The following DAB1 variants were observed in gnomAD, a reference collection of about 807,000 sequenced individuals.
DAB1 encodes the protein disabled homolog 1.
DAB1 carries 15 observed loss-of-function variants against 64.6 expected under a neutral mutation model. The ratio of observed to expected loss-of-function variants is 0.23; its 90% confidence interval spans 0.16 to 0.36. The LOEUF (loss-of-function observed/expected upper bound fraction) is 0.36. Ranked by LOEUF, DAB1 falls within the 10% of genes least tolerant of loss-of-function variation. The pLI, the probability that DAB1 is intolerant of heterozygous loss-of-function variation, is 1.00. For synonymous variants in DAB1, 235 were observed against 251.9 expected, an observed-to-expected ratio of 0.93 and a Z score of 0.64; for missense variants, 596 against 706.7, an observed-to-expected ratio of 0.84 and a Z score of 1.78.
At chr1:58,401,971 GAAATA>G (rs1644573434) in intron 3 of DAB1, among the ~76,000 whole-genome samples, 1 of 152,160 alleles carries the variant, frequency 6.6e-6, no homozygotes, top group Admixed American at 6.5e-5. Context: ...CCTAGGAAAA[GAAATA>G]AAATAAATGC....
intron 2 of DAB1, among the ~76,000 whole-genome samples, chr1:57,169,925 C>T (rs979983953): frequency 3.3e-5 from 5 of 152,186 alleles, no homozygotes; most frequent in Admixed American, 6.5e-5. Context: ...TGCAGTTGTC[C>T]TTATATCTGT....
chr1:58,429,596 G>A (rs1221851085), intron 3 of DAB1, among the ~76,000 whole-genome samples: 3 of 152,166 alleles, frequency 2.0e-5, no homozygotes, highest in Non-Finnish European at 4.4e-5. Context: ...CAGTAAGGGA[G>A]GCAGCCAAGA....
chr1:58,530,159 G>T (rs1646413140), intron 1 of DAB1, among the ~76,000 whole-genome samples: 1 of 152,178 alleles, frequency 6.6e-6, no homozygotes, highest in East Asian at 1.9e-4. Context: ...GAGATTACAG[G>T]CATGAGCCAC....
chr1:57,278,817 G>A (rs1222521615), intron 2 of DAB1, among the ~76,000 whole-genome samples: 2 of 152,172 alleles, frequency 1.3e-5, no homozygotes, highest in Non-Finnish European at 2.9e-5. Flanking sequence ...GAACTGCAGG[G>A]CCCTTACAGC....
At chr1:57,424,649 A>G (rs144251817), upstream of DAB1, among the ~76,000 whole-genome samples, 13 of 152,290 alleles carry the variant, frequency 8.5e-5, no homozygotes, top group African/African-American at 3.1e-4. Flanking sequence ...GAAGGGCGAA[A>G]CCACGAGGGG....
chr1:57,620,800 T>C (rs1167529049), intron 7 of DAB1, among the ~76,000 whole-genome samples: 4 of 152,224 alleles, frequency 2.6e-5, no homozygotes, highest in African/African-American at 9.6e-5. Context: ...GCTCTGGGTC[T>C]GGAAGCAGGG....
At chr1:58,072,631 T>G (rs1315285766) in intron 5 of DAB1, among the ~76,000 whole-genome samples, 1 of 152,228 alleles carries the variant, frequency 6.6e-6, no homozygotes, top group Non-Finnish European at 1.5e-5. Flanking sequence ...CTATCCTGTC[T>G]CATTTTTTGA....
intron 2 of DAB1, among the ~76,000 whole-genome samples, chr1:58,525,531 T>C (rs1646335610): frequency 6.6e-6 from 1 of 151,978 alleles, no homozygotes; most frequent in Non-Finnish European, 1.5e-5. Flanking sequence ...AATTCCTACA[T>C]ACAAAAAAAT....
At chr1:57,527,550 T>C (rs1323920154) in intron 7 of DAB1, among the ~76,000 whole-genome samples, 1 of 152,170 alleles carries the variant, frequency 6.6e-6, no homozygotes, top group Admixed American at 6.5e-5. Flanking sequence ...TAATACTCTT[T>C]CTACTGAAGC....
chr1:58,496,169 C>CTTTTTTTTTTTTTTTTTTTTTT (rs375006213), intron 3 of DAB1, among the ~76,000 whole-genome samples: 1 of 144,966 alleles, frequency 6.9e-6, no homozygotes, highest in East Asian at 2.1e-4. Context: ...TTTTTTTAGA[C>CTTTTTTTTTTTTTTTTTTTTTT]TTTTTTTTTT....
At chr1:58,519,511 C>G (rs1027569758) in intron 2 of DAB1, among the ~76,000 whole-genome samples, 1 of 152,120 alleles carries the variant, frequency 6.6e-6, no homozygotes, top group Non-Finnish European at 1.5e-5. Context: ...TCACCTCAGG[C>G]TCTGAATGAG....
At chr1:58,080,237 C>T (rs1423359658) in intron 5 of DAB1, 1 of 152,220 alleles carries the variant, frequency 6.6e-6, no homozygotes, top group Non-Finnish European at 1.5e-5. Flanking sequence ...AGCTGAAGGA[C>T]TGATCTCTCA....
At chr1:57,046,460 C>A (rs1452312654) in intron 9 of DAB1, among the ~76,000 whole-genome samples, 1 of 152,148 alleles carries the variant, frequency 6.6e-6, no homozygotes, top group Non-Finnish European at 1.5e-5. Context: ...CATTATTCTT[C>A]TGCATCCACT....
At chr1:58,372,908 CTT>C (rs1207077721) in intron 3 of DAB1, among the ~76,000 whole-genome samples, 1 of 152,114 alleles carries the variant, frequency 6.6e-6, no homozygotes, top group Middle Eastern at 3.2e-3. Context: ...AATTAAACCT[CTT>C]TTCTTTATAA....
chr1:57,489,361 C>T (rs1039409142), intron 7 of DAB1, among the ~76,000 whole-genome samples: 2 of 152,266 alleles, frequency 1.3e-5, no homozygotes, highest in South Asian at 4.1e-4. Flanking sequence ...TAGATATTAG[C>T]TGTTGCACTG....
At chr1:57,010,624 C>A in intron 14 of DAB1, 56 bp downstream of exon 14, 1 of 985,880 alleles carries the variant, frequency 1.0e-6, no homozygotes, top group East Asian at 2.7e-5. Flanking sequence ...GAAGAACAAC[C>A]AAAAGGGAAA....
rs1686974203 is a variant in DAB1 at position 57,467,017 on chromosome 1, G to T, written n.626-175851C>A. On this transcript the variant is annotated intron_variant and non_coding_transcript_variant, in intron 7 of 20. Coordinates refer to the DAB1 transcript ENST00000485760. ...GACACATAATGTGACATAATCACAAGAGCGATAGCTTATCTTGTTCACAGT... is the reference window on the plus strand; with the variant it reads ...GACACATAATGTGACATAATCACAATAGCGATAGCTTATCTTGTTCACAGT... 1.3e-5 allele frequency among the ~76,000 whole-genome samples: 2 copies of T among 152,160 alleles called. 1 individual carries two copies. The highest frequency in any genetic ancestry group is 1.3e-4 in the Admixed American group (2 of 15,268).
chr1:57,523,641 G>A (rs1187854672), intron 7 of DAB1, among the ~76,000 whole-genome samples: 1 of 152,162 alleles, frequency 6.6e-6, no homozygotes, highest in Non-Finnish European at 1.5e-5. Context: ...GAACAATTAG[G>A]CCAGGTGCGG....
At chr1:57,389,366 G>C (rs1682146597) in intron 1 of DAB1, among the ~76,000 whole-genome samples, 1 of 152,126 alleles carries the variant, frequency 6.6e-6, no homozygotes, top group Admixed American at 6.6e-5. Flanking sequence ...GTAAGGTTCT[G>C]CATGCCGTAG....
Sources: gnomAD v4.1 joint callset for allele counts (sites outside exome capture counted in the v4.1 genomes callset) on GRCh38, gnomAD v4.1.1 for gene constraint, MANE v1.5 for transcripts, NCBI Gene and HGNC (gene_info 2026-07-23, HGNC 2026-07-21) for gene names.